SLC2A13: variants seen among roughly 807,000 people sequenced by gnomAD.
SLC2A13 encodes the protein proton myo-inositol cotransporter.
A neutral mutation model predicts 64.4 loss-of-function variants in SLC2A13; 32 were observed. That is an observed-to-expected ratio of 0.50 (90% CI 0.37 to 0.67). SLC2A13 has a LOEUF of 0.67. Among genes scored for constraint, SLC2A13 ranks in the 30% least tolerant of loss-of-function variants. SLC2A13 has a pLI of 0.00. For missense variants in SLC2A13, 743 were observed against 829.2 expected, an observed-to-expected ratio of 0.90 and a Z score of 1.28; for synonymous variants, 338 against 327.1, an observed-to-expected ratio of 1.03 and a Z score of -0.36.
chr12:39,893,569 G>A (rs1056368785), intron 4 of SLC2A13, among the ~76,000 whole-genome samples: 13 of 152,180 alleles, frequency 8.5e-5, no homozygotes, highest in African/African-American at 3.1e-4. Flanking sequence ...CAAAGTGCTG[G>A]AATTACAGGC....
chr12:39,871,984 A>C, intron 4 of SLC2A13, 23 bp from the exon 5 acceptor site: 1 of 1,523,912 alleles, frequency 6.6e-7, no homozygotes. Context: ...GAATAAAACA[A>C]TTGCTATTGA....
At chr12:40,075,628 A>T (rs1261924096) in intron 1 of SLC2A13, among the ~76,000 whole-genome samples, 1 of 152,116 alleles carries the variant, frequency 6.6e-6, no homozygotes, top group Non-Finnish European at 1.5e-5. Flanking sequence ...TGAATCTGTA[A>T]GTTTATGTCT....
At position 40,025,475 on chromosome 12, in the gene SLC2A13, C is replaced by G. The variant is rs1947788633; in HGVS notation, c.925+2826G>C. Among the ~76,000 whole-genome samples the G allele has an allele frequency of 3.9e-5, 6 of 152,172 alleles. No individual in the cohort carries two copies. The South Asian group carries it at 8.3e-4, about 21-fold the overall frequency. ...ACATATGCAAGTGCCATAACCGTCA[C>G]AAGTCACAAATCCACTGGGGAACTG... is the stretch of plus-strand genomic sequence containing the variant. On this transcript the variant is annotated intron_variant, in intron 3 of 9. Coordinates refer to ENST00000280871, the MANE Select transcript of SLC2A13 (RefSeq NM_052885.4).
chr12:39,947,984 C>G (rs1358164456), intron 4 of SLC2A13, among the ~76,000 whole-genome samples: 1 of 152,068 alleles, frequency 6.6e-6, no homozygotes, highest in Non-Finnish European at 1.5e-5. Flanking sequence ...TTTACTTTAA[C>G]CATCATCATC....
At chr12:39,860,584 A>G (rs1382145092) in intron 6 of SLC2A13, among the ~76,000 whole-genome samples, 2 of 152,202 alleles carry the variant, frequency 1.3e-5, no homozygotes, top group African/African-American at 4.8e-5. Flanking sequence ...CCACATGTCC[A>G]AAATTGCACG....
Position 40,105,414 on chromosome 12 carries a change from G to C in SLC2A13, c.395C>G (p.Ala132Gly). 6.5e-7 allele frequency: 1 copy of C among 1,549,800 alleles called. No individual in the cohort carries two copies. The highest frequency in any genetic ancestry group is 8.7e-7 in the Non-Finnish European group (1 of 1,148,104). Residue 132 changes from alanine (A) to glycine (G), a missense_variant, in exon 1 of 10, where the codon GCC (alanine) becomes GGC (glycine). Around this residue, in one of 2 missense-constraint regions of SLC2A13, gnomAD observed 448 missense variants for 447.4 expected, o/e 1.00. Coordinates refer to ENST00000280871, the MANE Select transcript of SLC2A13 (RefSeq NM_052885.4). The surrounding 1 kb of genome is among the most constrained non-coding windows in gnomAD (Gnocchi z 4.2). ...GGCGCCTCCGGCCAGCGCCGAGACG[G>C]CAGCCGCCCCCACCGTGCTGGACAC... ...LLVSSTVGAAAVSALAGGALN... is the reference protein window; with the variant it reads ...LLVSSTVGAAGVSALAGGALN...
chr12:39,903,449 C>A (rs547030969), intron 4 of SLC2A13, among the ~76,000 whole-genome samples: 2 of 152,178 alleles, frequency 1.3e-5, no homozygotes, highest in East Asian at 3.9e-4. Flanking sequence ...ATTCTGGCCC[C>A]CCAGTATCTC....
intron 4 of SLC2A13, among the ~76,000 whole-genome samples, chr12:39,920,515 G>A (rs1024146090): frequency 3.9e-5 from 6 of 152,068 alleles, no homozygotes; most frequent in Non-Finnish European, 5.9e-5. Context: ...GATGGAAACC[G>A]AATAGTATAG....
intron 1 of SLC2A13, among the ~76,000 whole-genome samples, chr12:40,094,967 C>T (rs541921532): frequency 1.3e-5 from 2 of 152,150 alleles, no homozygotes; most frequent in Non-Finnish European, 2.9e-5. Flanking sequence ...GCTGAGGAAA[C>T]CCAAAAGAGA....
chr12:40,039,894 A>G (rs1280179024), intron 2 of SLC2A13, among the ~76,000 whole-genome samples: 1 of 152,220 alleles, frequency 6.6e-6, no homozygotes, highest in Non-Finnish European at 1.5e-5. Context: ...CAAATGTATA[A>G]TGGCATGTAT....
At chr12:39,924,558 A>G (rs1212506970) in intron 4 of SLC2A13, among the ~76,000 whole-genome samples, 1 of 152,108 alleles carries the variant, frequency 6.6e-6, no homozygotes, top group East Asian at 1.9e-4. Context: ...TTCTGACACA[A>G]CATAGATACT....
intron 5 of SLC2A13, 61 bp from the exon 6 acceptor site, chr12:39,864,943 G>C: frequency 6.8e-7 from 1 of 1,469,250 alleles, no homozygotes; most frequent in Admixed American, 2.2e-5. Context: ...AGGCAGACTG[G>C]GTTTGGTAAA....
chr12:39,904,674 G>A (rs961055195), intron 4 of SLC2A13, among the ~76,000 whole-genome samples: 13 of 152,094 alleles, frequency 8.5e-5, no homozygotes, highest in African/African-American at 3.1e-4. Context: ...GCTCATTTCA[G>A]GTTCCAGCCT....
intron 1 of SLC2A13, among the ~76,000 whole-genome samples, chr12:40,064,160 A>C (rs1948471687): frequency 6.6e-6 from 1 of 152,108 alleles, no homozygotes; most frequent in Admixed American, 6.6e-5. Context: ...CAGGATGATC[A>C]CTTGAGTCCG....
At chr12:39,809,589 T>C (rs1942082423) in intron 7 of SLC2A13, among the ~76,000 whole-genome samples, 1 of 152,162 alleles carries the variant, frequency 6.6e-6, no homozygotes. Flanking sequence ...ATGTGCCCTG[T>C]TGGTGTGCTG....
chr12:39,824,244 T>A (rs1942603685), intron 7 of SLC2A13, among the ~76,000 whole-genome samples: 1 of 152,348 alleles, frequency 6.6e-6, no homozygotes, highest in East Asian at 1.9e-4. Context: ...CCTAGTTAAC[T>A]GGCTTCCCCA....
intron 1 of SLC2A13, among the ~76,000 whole-genome samples, chr12:40,077,116 A>C (rs1415628323): frequency 6.6e-6 from 1 of 151,870 alleles, no homozygotes; most frequent in Non-Finnish European, 1.5e-5. Flanking sequence ...CTGTTTACTC[A>C]CACTAGTTTA....
intron 7 of SLC2A13, among the ~76,000 whole-genome samples, chr12:39,801,899 A>AT (rs1941804722): frequency 5.3e-5 from 8 of 152,224 alleles, no homozygotes; most frequent in Admixed American, 5.2e-4. Flanking sequence ...CAAACTAATT[A>AT]TTGAACCAGG....
intron 7 of SLC2A13, among the ~76,000 whole-genome samples, chr12:39,824,109 A>G (rs1162041720): frequency 6.6e-6 from 1 of 152,254 alleles, no homozygotes; most frequent in African/African-American, 2.4e-5. Context: ...AATGCAGAAT[A>G]TAGAAATTAG....
Sources: gnomAD v4.1 joint callset for allele counts (sites outside exome capture counted in the v4.1 genomes callset) on GRCh38, gnomAD v4.1.1 for gene constraint, gnomAD v4.1.1 regional missense constraint, Gnocchi (gnomAD v3.1) non-coding constraint, MANE v1.5 for transcripts, NCBI Gene and HGNC (gene_info 2026-07-23, HGNC 2026-07-21) for gene names.